ANOS1: variants seen among roughly 807,000 people sequenced by gnomAD.
ANOS1 encodes anosmin 1, also known as anosmin-1.
In ANOS1, 6 loss-of-function variants were observed where a neutral mutation model predicts 59.0. The observed-to-expected ratio is 0.10, with a 90% CI of 0.06 to 0.20. ANOS1 has a LOEUF of 0.20. ANOS1 is among the 10% of genes least tolerant of loss of function. ANOS1 has a pLI of 1.00. For synonymous variants in ANOS1, 217 were observed against 223.4 expected (o/e 0.97, Z 0.25); for missense variants, 433 against 542.3 (o/e 0.80, Z 2.00).
chrX:8,667,297 T>G (rs1391147250), intron 2 of ANOS1, among the ~76,000 whole-genome samples: 5 of 109,971 alleles, frequency 4.5e-5, no homozygotes. Flanking sequence ...TTTGTTTGTT[T>G]GTTTGTTTTT....
chrX:8,586,474 G>A (rs998001352), intron 5 of ANOS1, among the ~76,000 whole-genome samples: 5 of 112,065 alleles, frequency 4.5e-5, no homozygotes, highest in East Asian at 2.8e-4. Flanking sequence ...TATCCACAGC[G>A]TTTAGCAGAG....
intron 2 of ANOS1, among the ~76,000 whole-genome samples, chrX:8,660,681 G>A (rs777591118): frequency 2.9e-4 from 32 of 111,949 alleles, no homozygotes; most frequent in South Asian, 7.4e-4. Context: ...ATATAATCTT[G>A]TTGAGAATAC....
chrX:8,631,400 C>A (rs1047913741), intron 2 of ANOS1, among the ~76,000 whole-genome samples: 1 of 111,126 alleles, frequency 9.0e-6, no homozygotes, highest in Non-Finnish European at 1.9e-5. Flanking sequence ...CTACAAAGAT[C>A]ATAGCATGTA....
intron 1 of ANOS1, among the ~76,000 whole-genome samples, chrX:8,717,217 C>T (rs1022927897): frequency 8.9e-6 from 1 of 112,328 alleles, no homozygotes; most frequent in East Asian, 2.8e-4. Context: ...CAACCTCCAT[C>T]TTCTTTTCAA....
At chrX:8,630,437 A>C (rs1931468676) in intron 2 of ANOS1, among the ~76,000 whole-genome samples, 1 of 111,410 alleles carries the variant, frequency 9.0e-6, no homozygotes, top group Non-Finnish European at 1.9e-5. Flanking sequence ...CTCATAAATA[A>C]ATAAATAAAC....
chrX:8,561,395 G>A (rs1019080805), intron 8 of ANOS1, among the ~76,000 whole-genome samples: 3 of 108,797 alleles, frequency 2.8e-5, no homozygotes, highest in African/African-American at 1.0e-4. Context: ...TGCCTCCCGA[G>A]TTCATGCCAT....
chrX:8,727,124 T>C (rs1331968901), intron 1 of ANOS1, among the ~76,000 whole-genome samples: 1 of 112,201 alleles, frequency 8.9e-6, no homozygotes, highest in Non-Finnish European at 1.9e-5. Context: ...ATGGCCATGC[T>C]GAAATTCTTT....
chrX:8,717,531 A>C (rs1334671352), intron 1 of ANOS1, among the ~76,000 whole-genome samples: 2 of 111,232 alleles, frequency 1.8e-5, no homozygotes, highest in East Asian at 2.8e-4. Flanking sequence ...ATTCTGGCCC[A>C]ATGGGAAAAA....
At chrX:8,658,874 G>A (rs112059801) in intron 2 of ANOS1, among the ~76,000 whole-genome samples, 4,445 of 111,218 alleles carry the variant, frequency 0.04, 229 homozygotes, top group African/African-American at 0.14. Flanking sequence ...GATTGCTTGA[G>A]GCCAGGAGTT....
intron 7 of ANOS1, among the ~76,000 whole-genome samples, chrX:8,569,451 G>A (rs1222011970): frequency 8.9e-6 from 1 of 111,925 alleles, no homozygotes; most frequent in Non-Finnish European, 1.9e-5. Flanking sequence ...GATCATCCTG[G>A]CTAACATGGT....
intron 1 of ANOS1, among the ~76,000 whole-genome samples, chrX:8,720,995 G>T (rs919093768): frequency 3.2e-4 from 36 of 111,818 alleles, no homozygotes; most frequent in African/African-American, 1.2e-3. Context: ...ACATATGCTG[G>T]GGCCTCACAA....
chrX:8,660,820 C>T (rs1017162738), intron 2 of ANOS1, among the ~76,000 whole-genome samples: 2 of 111,239 alleles, frequency 1.8e-5, no homozygotes. Flanking sequence ...GTGCTACAAG[C>T]CGGGGCAGGC....
chrX:8,732,088 C>T lies in ANOS1; in HGVS notation c.-52G>A. 1.2e-6 allele frequency: 1 copy of T among 852,787 alleles called. No homozygotes were observed. The highest frequency in any genetic ancestry group is 1.5e-6 in the Non-Finnish European group (1 of 686,725). The allele number at this position is 852,787 out of a possible 1,213,427, so 70.3% of individuals were successfully genotyped here. A position where few individuals can be genotyped will look rare whatever the true frequency, so the allele number is the denominator to read the frequency against. Reference sequence around the variant, plus strand: ...GGCGCCGGGCGCGGGCCGAGGCTCCCTGCTCCGCGCCGGGGCTGCACTGCT... The same window carrying T: ...GGCGCCGGGCGCGGGCCGAGGCTCCTTGCTCCGCGCCGGGGCTGCACTGCT... On this transcript the variant is annotated 5_prime_UTR_variant, in exon 1 of 14. Coordinates refer to ENST00000262648, the MANE Select transcript of ANOS1 (RefSeq NM_000216.4).
chrX:8,727,728 G>T (rs918054846), intron 1 of ANOS1, among the ~76,000 whole-genome samples: 3 of 112,206 alleles, frequency 2.7e-5, no homozygotes, highest in African/African-American at 3.2e-5. Context: ...AGACATGAGT[G>T]TTCCCTGGGC....
At chrX:8,598,047 A>G (rs1569059487) in intron 3 of ANOS1, among the ~76,000 whole-genome samples, 1 of 111,720 alleles carries the variant, frequency 9.0e-6, no homozygotes. Context: ...ATGGTAACAT[A>G]TTTATTGGTA....
chrX:8,554,542 GTTTTTTTTT>G (rs757605733), intron 8 of ANOS1, among the ~76,000 whole-genome samples: 5 of 50,826 alleles, frequency 9.8e-5, no homozygotes, highest in Admixed American at 3.2e-4. Context: ...GGCTACAGGA[GTTTTTTTTT>G]TTTTTTTTTT....
chrX:8,600,875 G>A (rs758424480), intron 3 of ANOS1, among the ~76,000 whole-genome samples: 198 of 112,345 alleles, frequency 1.8e-3, no homozygotes, highest in Middle Eastern at 4.6e-3. Flanking sequence ...AGTGCCTCAT[G>A]GGCTGAGATT....
intron 4 of ANOS1, among the ~76,000 whole-genome samples, chrX:8,596,338 G>A (rs992007830): frequency 1.6e-4 from 18 of 110,717 alleles, no homozygotes; most frequent in African/African-American, 5.9e-4. Context: ...TATATGTCAC[G>A]GTGTATTTTG....
At chrX:8,545,386 A>AGGAAGGAAGGAAGAGGGAAAG (rs1929756873) in intron 9 of ANOS1, among the ~76,000 whole-genome samples, 2 of 100,465 alleles carry the variant, frequency 2.0e-5, no homozygotes, top group African/African-American at 7.4e-5. Context: ...AGGAAAGGGA[A>AGGAAGGAAGGAAGAGGGAAAG]GGAAGGAAGG....
Sources: allele counts gnomAD v4.1 joint callset (sites outside exome capture counted in the v4.1 genomes callset), GRCh38; gene constraint gnomAD v4.1.1; transcripts MANE v1.5; gene names NCBI Gene and HGNC (gene_info 2026-07-23, HGNC 2026-07-21).